The following UGT1A3 variants were observed in gnomAD, a reference collection of about 807,000 sequenced individuals.
The protein encoded by UGT1A3 is UDP-glucuronosyltransferase 1A3.
A neutral mutation model predicts 41.0 loss-of-function variants in UGT1A3; 31 were observed. The ratio of observed to expected loss-of-function variants is 0.76; its 90% CI spans 0.57 to 1.02. UGT1A3 has a LOEUF of 1.02. UGT1A3 is among the 50% of genes least tolerant of loss of function. UGT1A3 has a pLI of 0.00. For missense variants in UGT1A3, 737 were observed against 671.0 expected, an observed-to-expected ratio of 1.10 and a Z score of -1.09; for synonymous variants, 262 against 257.6, an observed-to-expected ratio of 1.02 and a Z score of -0.17.
chr2:233,759,624 A>G (rs1433114385), intron 1 of UGT1A3, among the ~76,000 whole-genome samples: 1 of 80,994 alleles, frequency 1.2e-5, no homozygotes, highest in Non-Finnish European at 2.2e-5. Context: ...CCACCTGTTC[A>G]TTTCCTTCTT....
chr2:233,756,388 A>G (rs1696196627), intron 1 of UGT1A3: 1 of 152,140 alleles, frequency 6.6e-6, no homozygotes, highest in Admixed American at 6.5e-5. Flanking sequence ...TAGTTGTTTT[A>G]CAGTATTGGT....
intron 1 of UGT1A3, chr2:233,743,388 GCA>G (rs1174910431): frequency 8.1e-7 from 1 of 1,233,944 alleles, no homozygotes; most frequent in Non-Finnish European, 1.1e-6. Context: ...CGTAGGACAT[GCA>G]GAAGGAAGAA....
intron 4 of UGT1A3, chr2:233,771,349 A>C (rs1700292689): frequency 6.6e-6 from 1 of 151,972 alleles, no homozygotes; most frequent in Non-Finnish European, 1.5e-5. Context: ...TGTAGCACCA[A>C]GGGTTGAAGC....
intron 1 of UGT1A3, among the ~76,000 whole-genome samples, chr2:233,749,453 C>A (rs1313864160): frequency 6.6e-6 from 1 of 151,804 alleles, no homozygotes; most frequent in Non-Finnish European, 1.5e-5. Flanking sequence ...TGGAGCAGAA[C>A]GAATTGGGAA....
At chr2:233,759,853 T>C (rs938114684) in intron 1 of UGT1A3, among the ~76,000 whole-genome samples, 15 of 152,176 alleles carry the variant, frequency 9.9e-5, no homozygotes, top group African/African-American at 3.6e-4. Context: ...CAGGTTTCCA[T>C]GGCGAAAGCG....
At chr2:233,761,732 T>TC (rs1575783874) in intron 1 of UGT1A3, among the ~76,000 whole-genome samples, 1 of 152,336 alleles carries the variant, frequency 6.6e-6, no homozygotes, top group East Asian at 1.9e-4. Flanking sequence ...GGTTTATTTT[T>TC]CCCCTACAGA....
chr2:233,746,554 C>T (rs567530423), intron 1 of UGT1A3, among the ~76,000 whole-genome samples: 1 of 151,860 alleles, frequency 6.6e-6, no homozygotes, highest in South Asian at 2.1e-4. Flanking sequence ...ACTTCTTAGC[C>T]CCTAGAGCAC....
chr2:233,768,027 G>A (rs762903764), intron 3 of UGT1A3, 91 bp downstream of exon 3: 89 of 1,612,900 alleles, frequency 5.5e-5, no homozygotes, highest in Non-Finnish European at 7.1e-5. Context: ...TGTTGAGCTT[G>A]AAAATATTAT....
chr2:233,741,958 T>C (rs4663965), intron 1 of UGT1A3: 83,397 of 151,744 alleles, frequency 0.55, 25,208 homozygotes, highest in African/African-American at 0.8. Flanking sequence ...GGTACTTTCT[T>C]GTTGTGTTTA....
rs200752387 is a variant in UGT1A3, at chr2:233,752,746, A to AAAACAAAC, written c.868-14269_868-14262dup. On this transcript the variant is annotated intron_variant, in intron 1 of 4. Coordinates refer to ENST00000482026, the MANE Select transcript of UGT1A3 (RefSeq NM_019093.4). ...AGCTACAGAGAGAGACCCTGTCTCT[A>AAAACAAAC]AAACAAACAAACAAACAAACAAACA... Among the ~76,000 whole-genome samples, 41 of 152,308 alleles carry AAAACAAAC rather than the reference A, an allele frequency of 2.7e-4. No individual in the cohort carries two copies. The East Asian group carries it at 7.3e-3, about 27-fold the overall frequency.
chr2:233,729,571 G>GT lies in UGT1A3; in HGVS notation c.449dup (p.Leu150PhefsTer6), dbSNP rs780418650. 3.7e-6 allele frequency: 6 copies of GT among 1,613,982 alleles called. No individual in the cohort carries two copies. The highest frequency in any genetic ancestry group is 4.2e-6 in the Non-Finnish European group (5 of 1,180,004). On this transcript the variant is annotated frameshift_variant, in exon 1 of 5. Coordinates refer to ENST00000482026, the MANE Select transcript of UGT1A3 (RefSeq NM_019093.4). LOFTEE classifies it high-confidence loss of function. ...CCTGAATGCTACTTCCTTTGATGTG[G>GT]TTTTAACAGACCCCGTTAACCTCTG...
intron 1 of UGT1A3, chr2:233,743,352 C>T (rs987483436): frequency 9.4e-6 from 9 of 961,748 alleles, no homozygotes; most frequent in African/African-American, 1.7e-5. Context: ...TCGACATGGA[C>T]TTGAAGCTGC....
chr2:233,743,180 G>A, intron 1 of UGT1A3: 1 of 369,298 alleles, frequency 2.7e-6, no homozygotes, highest in East Asian at 7.3e-5. Context: ...GTCAAATGTG[G>A]ACTGGAATTA....
rs549717724 is a variant in UGT1A3 at position 233,729,172 on chromosome 2, C to T, written c.46C>T (p.Leu16=). 1.0e-4 allele frequency: 161 copies of T among 1,613,762 alleles called. No homozygotes were observed. In the East Asian group the frequency reaches 3.5e-3, roughly 35 times the overall value. ...QVPLPWLATG[L]LLLLSVQPWA... is the part of the protein sequence containing the mutation. ...TCCCCTGCCGTGGCTGGCCACAGGA[C>T]TGCTGCTTCTCCTCAGTGTCCAGCC... The change falls in exon 1 of 5, where the codon CTG becomes TTG. Residue 16 remains leucine, a synonymous_variant. Coordinates refer to ENST00000482026, the MANE Select transcript of UGT1A3 (RefSeq NM_019093.4).
At chr2:233,753,903 T>TA in intron 1 of UGT1A3, among the ~76,000 whole-genome samples, 1 of 152,344 alleles carries the variant, frequency 6.6e-6, no homozygotes, top group East Asian at 1.9e-4. Flanking sequence ...ACATGCTTCT[T>TA]ACACCGATTT....
intron 1 of UGT1A3, among the ~76,000 whole-genome samples, chr2:233,759,294 C>A (rs1363540933): frequency 6.6e-6 from 1 of 152,134 alleles, no homozygotes; most frequent in Non-Finnish European, 1.5e-5. Context: ...TGAAGCTGAG[C>A]CCTGAGTGGC....
At chr2:233,767,689 G>A (rs541366705) in intron 2 of UGT1A3, among the ~76,000 whole-genome samples, 160 bp from the exon 3 acceptor site, 3 of 152,308 alleles carry the variant, frequency 2.0e-5, no homozygotes, top group Non-Finnish European at 4.4e-5. Context: ...ACAAGATGCC[G>A]GAAGTTGCCA....
rs192671736 is a variant in UGT1A3, at chr2:233,743,440, G to T, written c.867+13447G>T. 5.4e-5 allele frequency: 74 copies of T among 1,361,822 alleles called. 1 individual carries two copies. The African/African-American group carries it at 9.7e-4, about 18-fold the overall frequency. The allele number at this position is 1,361,822 out of a possible 1,614,324, so 84.4% of individuals were successfully genotyped here. A position where few individuals can be genotyped will look rare whatever the true frequency, so the allele number is the denominator to read the frequency against. Reference sequence around the variant, plus strand: ...CAGGGAGCCAAAGGAACGAAATCCTGTATCAAAAGAAGAAAAAACACCCCC... The same window carrying T: ...CAGGGAGCCAAAGGAACGAAATCCTTTATCAAAAGAAGAAAAAACACCCCC... On this transcript the variant is annotated intron_variant, in intron 1 of 4. Transcript: ENST00000482026.
At chr2:233,748,791 G>A (rs576937034) in intron 1 of UGT1A3, among the ~76,000 whole-genome samples, 1 of 151,524 alleles carries the variant, frequency 6.6e-6, no homozygotes, top group Admixed American at 6.6e-5. Flanking sequence ...TACTTGGAAT[G>A]CTGAAATTAT....
Sources: gnomAD v4.1 joint callset for allele counts (sites outside exome capture counted in the v4.1 genomes callset) on GRCh38, gnomAD v4.1.1 for gene constraint, MANE v1.5 for transcripts, NCBI Gene and HGNC (gene_info 2026-07-23, HGNC 2026-07-21) for gene names.